GRIN2A: variants seen among roughly 807,000 people sequenced by gnomAD.
The protein encoded by GRIN2A is glutamate ionotropic receptor NMDA type subunit 2A.
GRIN2A carries 22 observed loss-of-function variants against 113.4 expected under a neutral mutation model. The ratio of observed to expected loss-of-function variants is 0.19; its 90% confidence interval spans 0.14 to 0.28. The LOEUF (loss-of-function observed/expected upper bound fraction) is 0.28. GRIN2A is among the 10% of genes least tolerant of loss of function. GRIN2A has a pLI of 1.00. For synonymous variants in GRIN2A, 827 were observed against 738.4 expected, an observed-to-expected ratio of 1.12 and a Z score of -1.94; for missense variants, 1,502 against 1,887.0, an observed-to-expected ratio of 0.80 and a Z score of 3.78.
At chr16:10,068,580 C>T (rs1304995093) in intron 2 of GRIN2A, among the ~76,000 whole-genome samples, 1 of 152,234 alleles carries the variant, frequency 6.6e-6, no homozygotes, top group Admixed American at 6.5e-5. Flanking sequence ...GATCCACCTC[C>T]ATGATCCAAA....
At chr16:9,897,645 G>A (rs1596554415) in intron 3 of GRIN2A, among the ~76,000 whole-genome samples, 1 of 152,262 alleles carries the variant, frequency 6.6e-6, no homozygotes, top group East Asian at 1.9e-4. Flanking sequence ...TGTTGGAGTA[G>A]TTTAGGCATG....
At position 9,920,140 on chromosome 16, in the gene GRIN2A, G is replaced by C. The variant is rs147598819; in HGVS notation, c.1007+17819C>G. 9.1e-3 allele frequency among the ~76,000 whole-genome samples: 1,388 copies of C among 152,286 alleles called. 29 individuals carry two copies. The highest frequency in any genetic ancestry group is 0.032 in the African/African-American group (1,319 of 41,560). ...TTCTGTTTTGTGCGTGACTGTGTGT[G>C]TCTCATACTTACTATAAGGTCTCAC... On this transcript the variant is annotated intron_variant, in intron 3 of 12. Coordinates refer to ENST00000330684, the MANE Select transcript of GRIN2A (RefSeq NM_001134407.3).
chr16:9,981,793 ATG>A (rs2045897376), intron 2 of GRIN2A, among the ~76,000 whole-genome samples: 1 of 152,080 alleles, frequency 6.6e-6, no homozygotes, highest in Non-Finnish European at 1.5e-5. Context: ...GTATTTATTT[ATG>A]TATTTATTTT....
chr16:10,068,230 A>T (rs72774105), intron 2 of GRIN2A, among the ~76,000 whole-genome samples: 12,526 of 152,314 alleles, frequency 0.082, 784 homozygotes, highest in Non-Finnish European at 0.11. Flanking sequence ...ATTCAACAAC[A>T]GATAAGAAAG....
chr16:9,809,456 A>T (rs185560876), intron 10 of GRIN2A, among the ~76,000 whole-genome samples: 72 of 152,322 alleles, frequency 4.7e-4, no homozygotes, highest in Non-Finnish European at 4.0e-4. Context: ...ATGCAAATGC[A>T]TATAATAAAA....
chr16:10,095,254 T>C (rs781148210), intron 2 of GRIN2A, among the ~76,000 whole-genome samples: 9 of 152,182 alleles, frequency 5.9e-5, no homozygotes, highest in Admixed American at 1.3e-4. Context: ...AAATAAATTT[T>C]TGTTGTTTAA....
rs1231971466 is a variant in GRIN2A, at chr16:9,757,383, A to G, written c.*5766T>C. 1 of 222,996 alleles carries G rather than the reference A, an allele frequency of 4.5e-6. No homozygotes were observed. Among genetic ancestry groups the G allele is most frequent in the Non-Finnish European group, 8.9e-6 (1 of 112,488 alleles). 13.8% of individuals were successfully genotyped at this position (222,996 alleles called of 1,614,324 possible). On this transcript the variant is annotated 3_prime_UTR_variant, in exon 13 of 13. Transcript: ENST00000330684. ...CTTTTTTTTTTTTTTTAAAAAAGGT[A>G]TGCTCATAGAATCAGATTATTTTTT...
intron 2 of GRIN2A, chr16:10,112,638 G>A: frequency 1.3e-6 from 1 of 767,034 alleles, no homozygotes; most frequent in Non-Finnish European, 2.4e-6. Context: ...AGATGCCATG[G>A]AGAAGAGCAG....
chr16:9,975,084 T>A lies in GRIN2A; in HGVS notation c.415-36533A>T, dbSNP rs190205070. On this transcript the variant is annotated intron_variant, in intron 2 of 12. Transcript: ENST00000330684. ...ATAGGAATTAAAGTATTAAAATTTT[T>A]AAATAATTTTCTGCATCTATTAAGA... 1.8e-3 allele frequency among the ~76,000 whole-genome samples: 271 copies of A among 152,328 alleles called. 2 individuals are homozygous for A. The highest frequency in any genetic ancestry group is 3.3e-3 in the Non-Finnish European group (222 of 68,026).
In GRIN2A at chr16:9,891,234, T is replaced by C. The variant is rs974144125; in HGVS notation, c.1008-134A>G. On this transcript the variant is annotated intron_variant, in intron 3 of 12. Transcript: ENST00000330684. ...TGCTATATTCATCACAAGAAGCCTCTCTGCAGAAGTATTAATAACCATGCA... is the reference window on the plus strand; with the variant it reads ...TGCTATATTCATCACAAGAAGCCTCCCTGCAGAAGTATTAATAACCATGCA... 9 of 690,106 alleles carry C rather than the reference T, an allele frequency of 1.3e-5. No homozygotes were observed. The African/African-American group carries it at 1.6e-4, about 12-fold the overall frequency. The allele number at this position is 690,106 out of a possible 1,614,324, so 42.7% of individuals were successfully genotyped here.
chr16:9,758,840 G>A lies in GRIN2A; in HGVS notation c.*4309C>T, dbSNP rs1252979520. ...TCAACCCTGTTCACCAAAAAGAGAT[G>A]GGGTATCTGGAAAGGTCTAATTTTG... On this transcript the variant is annotated 3_prime_UTR_variant, in exon 13 of 13. Coordinates refer to ENST00000330684, the MANE Select transcript of GRIN2A (RefSeq NM_001134407.3). 7 of 215,712 alleles carry A rather than the reference G, an allele frequency of 3.2e-5. No homozygotes were observed. 13.4% of individuals were successfully genotyped at this position (215,712 alleles called of 1,614,324 possible).
chr16:9,828,291 G>A (rs893533065), intron 9 of GRIN2A, among the ~76,000 whole-genome samples: 3 of 152,148 alleles, frequency 2.0e-5, no homozygotes, highest in Non-Finnish European at 4.4e-5. Flanking sequence ...AGCCTCAATC[G>A]GAAGCCATCA....
At chr16:10,067,001 C>T (rs980611479) in intron 2 of GRIN2A, among the ~76,000 whole-genome samples, 10 of 152,150 alleles carry the variant, frequency 6.6e-5, no homozygotes, top group African/African-American at 1.2e-4. Context: ...CCCTAGCTCA[C>T]GATATTTTAA....
intron 3 of GRIN2A, among the ~76,000 whole-genome samples, chr16:9,934,498 T>A (rs940404817): frequency 1.3e-5 from 2 of 151,916 alleles, no homozygotes; most frequent in African/African-American, 2.4e-5. Context: ...CTAGACAACA[T>A]GGTGAAACCT....
chr16:9,913,620 C>CT (rs2044186681), intron 3 of GRIN2A, among the ~76,000 whole-genome samples: 1 of 152,172 alleles, frequency 6.6e-6, no homozygotes, highest in African/African-American at 2.4e-5. Context: ...AACTAAGCAG[C>CT]TAATGCATTC....
chr16:10,086,714 G>T (rs2048093061), intron 2 of GRIN2A, among the ~76,000 whole-genome samples: 1 of 152,054 alleles, frequency 6.6e-6, no homozygotes, highest in African/African-American at 2.4e-5. Flanking sequence ...CCAGGACCAG[G>T]CAAGCAAAGC....
rs150203889 is a variant in GRIN2A, at chr16:9,839,992, C to T, written c.1651+655G>A. On this transcript the variant is annotated intron_variant, in intron 7 of 12. Coordinates refer to ENST00000330684, the MANE Select transcript of GRIN2A (RefSeq NM_001134407.3). ...AATTAGCCAGGCATGGTGGTGGGCA[C>T]CTATAATCCCAGCTACTGGGGAGGC... Among the ~76,000 whole-genome samples, 1,244 of 152,202 alleles carry T rather than the reference C, an allele frequency of 8.2e-3. 8 individuals carry two copies. The highest frequency in any genetic ancestry group is 0.011 in the Non-Finnish European group (730 of 68,010).
At position 10,088,146 on chromosome 16, in the gene GRIN2A, G is replaced by A. The variant is rs558318528; in HGVS notation, c.414+91852C>T. On this transcript the variant is annotated intron_variant, in intron 2 of 12. Transcript: ENST00000330684. The stretch of plus-strand genomic sequence containing the variant: ...CTTTGGACCCTCTCCCTTGAGAAAC[G>A]CACATTTGGACACAATTTTGAAGAT... 3.9e-5 allele frequency among the ~76,000 whole-genome samples: 6 copies of A among 152,156 alleles called. No individual in the cohort carries two copies. The South Asian group carries it at 8.3e-4, about 21-fold the overall frequency.
intron 8 of GRIN2A, 67 bp downstream of exon 8, chr16:9,834,038 T>A (rs2042544501): frequency 6.5e-7 from 1 of 1,537,666 alleles, no homozygotes; most frequent in Non-Finnish European, 9.0e-7. Flanking sequence ...GTTCTAAAAC[T>A]GAAATTTTCA....
Sources: gnomAD v4.1 joint callset for allele counts (sites outside exome capture counted in the v4.1 genomes callset) on GRCh38, gnomAD v4.1.1 for gene constraint, MANE v1.5 for transcripts, NCBI Gene and HGNC (gene_info 2026-07-23, HGNC 2026-07-21) for gene names.